The following C10orf90 variants were observed in gnomAD, a reference collection of about 807,000 sequenced individuals.
C10orf90 encodes chromosome 10 open reading frame 90.
Under a neutral mutation model 62.5 loss-of-function variants are expected in C10orf90, and 56 were observed. The observed-to-expected ratio is 0.90, with a 90% CI of 0.72 to 1.12. C10orf90 has a LOEUF of 1.12. Among genes scored for constraint, C10orf90 ranks in the 50% most tolerant of loss-of-function variants. The pLI is 0.00. For synonymous variants in C10orf90, 386 were observed against 340.4 expected (o/e 1.13, Z -1.47); for missense variants, 970 against 880.4 (o/e 1.10, Z -1.29).
intron 1 of C10orf90, among the ~76,000 whole-genome samples, chr10:126,660,364 A>G (rs1846484522): frequency 6.6e-6 from 1 of 152,262 alleles, no homozygotes; most frequent in South Asian, 2.1e-4. Flanking sequence ...GAAGTCAGAG[A>G]GATTCAAAGT....
At chr10:126,538,911 C>T (rs1270799248) in intron 2 of C10orf90, among the ~76,000 whole-genome samples, 6 of 152,192 alleles carry the variant, frequency 3.9e-5, no homozygotes, top group East Asian at 1.9e-4. Context: ...TGCCAAGGCA[C>T]GATGAAATAT....
At chr10:126,648,984 A>G (rs1248395638) in intron 1 of C10orf90, among the ~76,000 whole-genome samples, 1 of 149,598 alleles carries the variant, frequency 6.7e-6, no homozygotes, top group Non-Finnish European at 1.5e-5. Context: ...ACAAACACTG[A>G]AGTGCTTTGG....
chr10:126,433,627 G>T (rs56986639), intron 7 of C10orf90, among the ~76,000 whole-genome samples: 1 of 152,144 alleles, frequency 6.6e-6, no homozygotes, highest in East Asian at 1.9e-4. Context: ...CCGGCCTGGC[G>T]CAATTGCCTT....
At chr10:126,634,270 G>T (rs1845906502) in intron 2 of C10orf90, among the ~76,000 whole-genome samples, 1 of 152,074 alleles carries the variant, frequency 6.6e-6, no homozygotes, top group Non-Finnish European at 1.5e-5. Flanking sequence ...AGGTGTATAG[G>T]CACAAAACAA....
chr10:126,447,393 T>C (rs1004749268), intron 7 of C10orf90, among the ~76,000 whole-genome samples: 28 of 152,174 alleles, frequency 1.8e-4, no homozygotes, highest in Non-Finnish European at 3.2e-4. Flanking sequence ...GCTATAGCTA[T>C]ATCAGACAAA....
chr10:126,640,195 A>G (rs1846032793), intron 2 of C10orf90, among the ~76,000 whole-genome samples: 1 of 152,230 alleles, frequency 6.6e-6, no homozygotes, highest in Admixed American at 6.5e-5. Flanking sequence ...TAGCTGAAGT[A>G]AACACCAAGC....
At chr10:126,612,425 G>A (rs1270857937) in intron 2 of C10orf90, among the ~76,000 whole-genome samples, 1 of 152,144 alleles carries the variant, frequency 6.6e-6, no homozygotes, top group Non-Finnish European at 1.5e-5. Flanking sequence ...AAGTTCTATT[G>A]GATGGCATGA....
At chr10:126,532,651 C>A (rs1349603071) in intron 2 of C10orf90, among the ~76,000 whole-genome samples, 2 of 151,146 alleles carry the variant, frequency 1.3e-5, no homozygotes, top group Non-Finnish European at 2.9e-5. Flanking sequence ...TCCTGGCTAA[C>A]ACGGTGAAAC....
intron 2 of C10orf90, among the ~76,000 whole-genome samples, chr10:126,635,190 G>A (rs550814977): frequency 1.3e-5 from 2 of 152,292 alleles, no homozygotes; most frequent in South Asian, 4.1e-4. Flanking sequence ...CTGGTATGAA[G>A]GTTCTAAAAG....
At chr10:126,428,915 G>A (rs973938925) in intron 8 of C10orf90, among the ~76,000 whole-genome samples, 2 of 152,120 alleles carry the variant, frequency 1.3e-5, no homozygotes, top group South Asian at 4.1e-4. Flanking sequence ...TTACAAAGAG[G>A]CCTCCAATAA....
At chr10:126,552,232 T>C (rs12781950) in intron 2 of C10orf90, among the ~76,000 whole-genome samples, 4,595 of 152,282 alleles carry the variant, frequency 0.03, 112 homozygotes, top group Middle Eastern at 0.048. Context: ...ATTTTTCCCA[T>C]ACAGGGAACC....
At chr10:126,593,830 CA>C (rs1369502186) in intron 2 of C10orf90, among the ~76,000 whole-genome samples, 1 of 152,042 alleles carries the variant, frequency 6.6e-6, no homozygotes, top group African/African-American at 2.4e-5. Context: ...GGTGAGGAGT[CA>C]GGGGCTGAGG....
At chr10:126,581,826 G>C (rs1489781118) in intron 2 of C10orf90, among the ~76,000 whole-genome samples, 1 of 152,186 alleles carries the variant, frequency 6.6e-6, no homozygotes, top group Non-Finnish European at 1.5e-5. Flanking sequence ...TGACTCAGAT[G>C]CCACCAGTCA....
At chr10:126,563,272 C>T (rs530850789) in intron 2 of C10orf90, among the ~76,000 whole-genome samples, 3 of 152,328 alleles carry the variant, frequency 2.0e-5, no homozygotes, top group Middle Eastern at 3.4e-3. Flanking sequence ...CTGCCACCCC[C>T]ACCCTCACAC....
chr10:126,490,249 AT>A (rs1861695917), intron 4 of C10orf90, among the ~76,000 whole-genome samples: 1 of 149,182 alleles, frequency 6.7e-6, no homozygotes, highest in East Asian at 2.0e-4. Flanking sequence ...CCCTGAGGAC[AT>A]TAAGTAAAAT....
chr10:126,449,990 C>T (rs1420593144), intron 7 of C10orf90, among the ~76,000 whole-genome samples: 2 of 116,412 alleles, frequency 1.7e-5, no homozygotes, highest in Non-Finnish European at 3.4e-5. Context: ...GAGACGCCAT[C>T]TCAAAAAAAA....
intron 1 of C10orf90, among the ~76,000 whole-genome samples, chr10:126,661,935 C>T (rs910333667): frequency 2.0e-5 from 3 of 151,932 alleles, no homozygotes; most frequent in African/African-American, 4.8e-5. Context: ...CTTGCTAATT[C>T]TCTCATTTGC....
At position 126,504,603 on chromosome 10, in the gene C10orf90, G is replaced by A. The variant is rs1381160676; in HGVS notation, c.888C>T (p.Ser296=). ...HQRSFACTEF[S]RNSSVVRLKV... ...TCAGCCGCACCACGGAGCTGTTTCT[G>A]GAGAACTCTGTGCAGGCAAAAGATC... Residue 296 remains serine, a synonymous_variant, in exon 4 of 10, where the codon TCC becomes TCT. Transcript: ENST00000488181. The surrounding 1 kb of genome is among the most constrained non-coding windows in gnomAD (Gnocchi z 4.1). The A allele has an allele frequency of 1.3e-5, 21 of 1,614,098 alleles. No individual in the cohort carries two copies. The highest frequency in any genetic ancestry group is 1.7e-5 in the Non-Finnish European group (20 of 1,180,040).
At chr10:126,425,950 T>A in intron 9 of C10orf90, 41 bp downstream of exon 9, 1 of 1,613,818 alleles carries the variant, frequency 6.2e-7, no homozygotes, top group Non-Finnish European at 8.5e-7. Flanking sequence ...TCGGCATCTG[T>A]GCACCACACA....
Sources: gnomAD v4.1 joint callset for allele counts (sites outside exome capture counted in the v4.1 genomes callset) on GRCh38, gnomAD v4.1.1 for gene constraint, Gnocchi (gnomAD v3.1) non-coding constraint, MANE v1.5 for transcripts, NCBI Gene and HGNC (gene_info 2026-07-23, HGNC 2026-07-21) for gene names.